The following JAKMIP1 variants were observed in gnomAD, a reference collection of about 807,000 sequenced individuals.
JAKMIP1 encodes the protein janus kinase and microtubule interacting protein 1.
In JAKMIP1, 33 loss-of-function variants were observed where a neutral mutation model predicts 113.0. The observed-to-expected ratio is 0.29, with a 90% CI of 0.22 to 0.39. The LOEUF (loss-of-function observed/expected upper bound fraction) is 0.39, where lower values mean the gene tolerates loss of function less well. Among genes scored for constraint, JAKMIP1 ranks in the 10% least tolerant of loss-of-function variants. The pLI, the probability that JAKMIP1 is intolerant of heterozygous loss-of-function variation, is 1.00. For missense variants in JAKMIP1, 813 were observed against 1,080.5 expected (o/e 0.75, Z 3.47); for synonymous variants, 480 against 459.9 (o/e 1.04, Z -0.56).
intron 1 of JAKMIP1, among the ~76,000 whole-genome samples, chr4:6,189,818 G>T (rs1050674078): frequency 3.3e-5 from 5 of 152,220 alleles, no homozygotes; most frequent in Admixed American, 6.5e-5. Context: ...AGTGGATGGG[G>T]TGGGGGAGGC....
Position 6,129,575 on chromosome 4 carries a change from C to T in JAKMIP1, c.-147-16578G>A, listed in dbSNP as rs1718221589. 6.6e-6 allele frequency among the ~76,000 whole-genome samples: 1 copy of T among 152,146 alleles called. No homozygotes were observed. Among genetic ancestry groups the T allele is most frequent in the South Asian group, 2.1e-4 (1 of 4,824 alleles). The stretch of plus-strand genomic sequence containing the variant: ...AGGGACCAGGATACCAAGCAGGACC[C>T]ACCGTGCCCTGCCCTCATGATGCTG... On this transcript the variant is annotated intron_variant, in intron 1 of 20. Transcript: ENST00000409021. This position sits in a 1 kb window ranked among gnomAD's most constrained non-coding sequence, Gnocchi z 5.4.
In JAKMIP1 at chr4:6,138,090, A is replaced by C. The variant is rs1719524179; in HGVS notation, c.-147-25093T>G. ...CTGGGGGTCAAGCCTAAGCCCAGAC[A>C]AGACTCTGCTCCCTGACCTTCCACT... On this transcript the variant is annotated intron_variant, in intron 1 of 20. Transcript: ENST00000409021. This position sits in a 1 kb window ranked among gnomAD's most constrained non-coding sequence, Gnocchi z 6.0. Among the ~76,000 whole-genome samples, 3 of 152,090 alleles carry C rather than the reference A, an allele frequency of 2.0e-5. No homozygotes were observed. The South Asian group carries it at 6.2e-4, about 32-fold the overall frequency.
intron 8 of JAKMIP1, among the ~76,000 whole-genome samples, chr4:6,068,993 C>A (rs1352729288): frequency 6.6e-6 from 1 of 152,086 alleles, no homozygotes; most frequent in African/African-American, 2.4e-5. Flanking sequence ...AGTAAGCCTA[C>A]ATGTACTCGA....
intron 1 of JAKMIP1, among the ~76,000 whole-genome samples, chr4:6,170,015 CCACCACCACATTCCCAT>C (rs1724203382): frequency 1.4e-5 from 2 of 145,634 alleles, no homozygotes; most frequent in Admixed American, 6.8e-5. Context: ...ACCACCCTCA[CCACCACCACATTCCCAT>C]CACCACCACC....
rs916023177 is a variant in JAKMIP1, at chr4:6,154,861, C to A, written c.-147-41864G>T. On this transcript the variant is annotated intron_variant, in intron 1 of 20. Coordinates refer to ENST00000409021, the MANE Select transcript of JAKMIP1 (RefSeq NM_001099433.2). This position sits in a 1 kb window ranked among gnomAD's most constrained non-coding sequence, Gnocchi z 4.2. ...GAAGCTCCTATTCATTCCTCGAAGG[C>A]CTATTCATCCATCGCCTCCCACAGG... is the stretch of plus-strand genomic sequence containing the variant. Among the ~76,000 whole-genome samples the A allele has an allele frequency of 6.6e-6, 1 of 152,114 alleles. No homozygotes were observed. The highest frequency in any genetic ancestry group is 1.5e-5 in the Non-Finnish European group (1 of 68,026).
At chr4:6,189,891 G>T (rs150478356) in intron 1 of JAKMIP1, among the ~76,000 whole-genome samples, 1 of 151,998 alleles carries the variant, frequency 6.6e-6, no homozygotes, top group Non-Finnish European at 1.5e-5. Context: ...GAGAGCAGCC[G>T]GGGGACTGTG....
At chr4:6,039,684 C>T (rs1409935276) in intron 18 of JAKMIP1, among the ~76,000 whole-genome samples, 1 of 152,184 alleles carries the variant, frequency 6.6e-6, no homozygotes, top group Non-Finnish European at 1.5e-5. Context: ...TTCTGATCTT[C>T]TACATCTCCT....
At chr4:6,034,077 T>C (rs960334353) in intron 19 of JAKMIP1, among the ~76,000 whole-genome samples, 8 of 152,082 alleles carry the variant, frequency 5.3e-5, no homozygotes, top group Admixed American at 4.6e-4. Context: ...AACACCTGTT[T>C]TCAAACAGGT....
At position 6,154,277 on chromosome 4, in the gene JAKMIP1, C is replaced by A. The variant is rs986575779; in HGVS notation, c.-147-41280G>T. On this transcript the variant is annotated intron_variant, in intron 1 of 20. Transcript: ENST00000409021. This position sits in a 1 kb window ranked among gnomAD's most constrained non-coding sequence, Gnocchi z 4.2. ...TGGGGAGAGTTGCTCCTATTTTAGG[C>A]CATTGAACTACTTTAATAATTCGGT... 2.0e-5 allele frequency among the ~76,000 whole-genome samples: 3 copies of A among 152,112 alleles called. No homozygotes were observed. Among genetic ancestry groups the A allele is most frequent in the Non-Finnish European group, 4.4e-5 (3 of 68,018 alleles).
rs1722523765 is a variant in JAKMIP1 at position 6,094,403 on chromosome 4, A to C, written c.625-8774T>G. Among the ~76,000 whole-genome samples, 1 of 152,140 alleles carries C rather than the reference A, an allele frequency of 6.6e-6. No homozygotes were observed. The highest frequency in any genetic ancestry group is 1.5e-5 in the Non-Finnish European group (1 of 68,022). Reference sequence around the variant, plus strand: ...GCCAGAAATGGGCCACTCCTACCCAACTGACAGGAGGAATCGTGCTAAGAA... The same window carrying C: ...GCCAGAAATGGGCCACTCCTACCCACCTGACAGGAGGAATCGTGCTAAGAA... On this transcript the variant is annotated intron_variant, in intron 3 of 20. Coordinates refer to ENST00000409021, the MANE Select transcript of JAKMIP1 (RefSeq NM_001099433.2). This position sits in a 1 kb window ranked among gnomAD's most constrained non-coding sequence, Gnocchi z 4.2.
In JAKMIP1 at chr4:6,079,804, C is replaced by A. The variant is rs184494646; in HGVS notation, c.1242+368G>T. On this transcript the variant is annotated intron_variant, in intron 7 of 20. Transcript: ENST00000409021. ...CTGCAACTGCTAAGCTAAAAACCAA[C>A]CAACCAACCAACCAAACAAACAAAA... Among the ~76,000 whole-genome samples the A allele has an allele frequency of 3.2e-3, 486 of 152,268 alleles. 3 individuals are homozygous for A. Among genetic ancestry groups the A allele is most frequent in the Middle Eastern group, 0.014 (4 of 294 alleles).
chr4:6,111,603 C>A (rs182807405), intron 2 of JAKMIP1, among the ~76,000 whole-genome samples: 4 of 152,218 alleles, frequency 2.6e-5, no homozygotes, highest in Non-Finnish European at 5.9e-5. Flanking sequence ...GTTTCGGAGA[C>A]TTTTAGTCAC....
chr4:6,032,987 C>T (rs1027108572), intron 19 of JAKMIP1, among the ~76,000 whole-genome samples: 4 of 152,308 alleles, frequency 2.6e-5, no homozygotes, highest in South Asian at 2.1e-4. Context: ...GGCTAGGAAG[C>T]GAAACCAGTG....
chr4:6,060,744 T>A (rs10028635), intron 10 of JAKMIP1, among the ~76,000 whole-genome samples: 29,013 of 152,156 alleles, frequency 0.19, 4,612 homozygotes, highest in African/African-American at 0.44. Flanking sequence ...CAAAACTTGC[T>A]TGGCTTTACA....
At chr4:6,115,476 G>A (rs1381962085) in intron 1 of JAKMIP1, among the ~76,000 whole-genome samples, 1 of 152,134 alleles carries the variant, frequency 6.6e-6, no homozygotes, top group Non-Finnish European at 1.5e-5. Context: ...ATATATATTT[G>A]CTCATTATTT....
rs1722339109 is a variant in JAKMIP1, at chr4:6,157,143, A to G, written c.-148+43110T>C. On this transcript the variant is annotated intron_variant, in intron 1 of 20. Coordinates refer to ENST00000409021, the MANE Select transcript of JAKMIP1 (RefSeq NM_001099433.2). This position sits in a 1 kb window ranked among gnomAD's most constrained non-coding sequence, Gnocchi z 4.7. ...CTCTCTTGCCCTGCTGCCTTCTGCC[A>G]TGAGATGTGGCAAGAAGGCCCTTGC... Among the ~76,000 whole-genome samples the G allele has an allele frequency of 6.6e-6, 1 of 152,166 alleles. No homozygotes were observed.
intron 20 of JAKMIP1, among the ~76,000 whole-genome samples, chr4:6,027,598 C>T (rs1043983086): frequency 6.6e-6 from 1 of 152,162 alleles, no homozygotes; most frequent in African/African-American, 2.4e-5. Flanking sequence ...GGTTTCCAGC[C>T]CTACAGGCCT....
chr4:6,063,544 A>G (rs528703512), intron 9 of JAKMIP1, among the ~76,000 whole-genome samples: 3 of 152,228 alleles, frequency 2.0e-5, no homozygotes, highest in Admixed American at 2.0e-4. Flanking sequence ...TGGTGGGCTG[A>G]CGGGGAGGAT....
rs1295705055 is a variant in JAKMIP1, at chr4:6,059,621, G to A, written c.1644+803C>T. Among the ~76,000 whole-genome samples, 1 of 152,084 alleles carries A rather than the reference G, an allele frequency of 6.6e-6. No homozygotes were observed. Among genetic ancestry groups the A allele is most frequent in the Non-Finnish European group, 1.5e-5 (1 of 68,016 alleles). On this transcript the variant is annotated intron_variant, in intron 11 of 20. Transcript: ENST00000409021. The surrounding 1 kb of genome is among the most constrained non-coding windows in gnomAD (Gnocchi z 4.8). ...ATGAATTTTGCTGAGGCAGCAAACA[G>A]CCAAGCAGAGGAAAAGTTCGAGATG...
Sources: gnomAD v4.1 joint callset for allele counts (sites outside exome capture counted in the v4.1 genomes callset) on GRCh38, gnomAD v4.1.1 for gene constraint, Gnocchi (gnomAD v3.1) non-coding constraint, MANE v1.5 for transcripts, NCBI Gene and HGNC (gene_info 2026-07-23, HGNC 2026-07-21) for gene names.